The following PDZRN3 variants were observed in gnomAD, a reference collection of about 807,000 sequenced individuals.
PDZRN3 encodes the protein E3 ubiquitin-protein ligase PDZRN3.
A neutral mutation model predicts 85.7 loss-of-function variants in PDZRN3; 38 were observed. The ratio of observed to expected loss-of-function variants is 0.44; its 90% CI spans 0.34 to 0.58. The LOEUF (loss-of-function observed/expected upper bound fraction) is 0.58, where lower values mean the gene tolerates loss of function less well. Among genes scored for constraint, PDZRN3 ranks in the 20% least tolerant of loss-of-function variants. The pLI is 0.01. For missense variants in PDZRN3, 1,629 were observed against 1,506.4 expected, an observed-to-expected ratio of 1.08 and a Z score of -1.35; for synonymous variants, 759 against 638.0, an observed-to-expected ratio of 1.19 and a Z score of -2.86.
At chr3:73,437,654 G>A (rs1433496423) in intron 3 of PDZRN3, among the ~76,000 whole-genome samples, 4 of 151,864 alleles carry the variant, frequency 2.6e-5, no homozygotes, top group Admixed American at 6.6e-5. Context: ...TGTGTTATTT[G>A]GAATAAAAAA....
At chr3:73,389,958 A>C in intron 6 of PDZRN3, 80 bp from the exon 7 acceptor site, 1 of 994,512 alleles carries the variant, frequency 1.0e-6, no homozygotes. Context: ...ACCATTTCTA[A>C]AACACAGTCA....
At chr3:73,454,461 AAG>A (rs1247458096) in intron 3 of PDZRN3, among the ~76,000 whole-genome samples, 1 of 152,162 alleles carries the variant, frequency 6.6e-6, no homozygotes, top group Non-Finnish European at 1.5e-5. Context: ...GGTAATGAAA[AAG>A]GGGCTGATTT....
chr3:73,597,371 C>T (rs1702445480), intron 3 of PDZRN3, among the ~76,000 whole-genome samples: 1 of 152,168 alleles, frequency 6.6e-6, no homozygotes, highest in Admixed American at 6.5e-5. Flanking sequence ...CTTTGAGGTT[C>T]CACAGCTTCT....
chr3:73,470,182 T>G (rs1462257277), intron 3 of PDZRN3, among the ~76,000 whole-genome samples: 1 of 152,130 alleles, frequency 6.6e-6, no homozygotes, highest in Non-Finnish European at 1.5e-5. Flanking sequence ...ATATTGAACA[T>G]AGGAAGATTC....
Position 73,383,792 on chromosome 3 carries a change from A to G in PDZRN3, c.2774T>C (p.Ile925Thr). 1 of 1,613,292 alleles carries G rather than the reference A, an allele frequency of 6.2e-7. No individual in the cohort carries two copies. The highest frequency in any genetic ancestry group is 2.2e-5 in the East Asian group (1 of 44,846). The change falls in exon 10 of 10, where the codon ATC becomes ACC. Residue 925 changes from isoleucine to threonine, a missense_variant. By Grantham distance (89) the Ile-to-Thr change is moderately conservative. Coordinates refer to ENST00000263666, the MANE Select transcript of PDZRN3 (RefSeq NM_015009.3). Reference protein sequence around the residue: ...SEPRMEWKVKIRSDGTRYITK... With the variant: ...SEPRMEWKVKTRSDGTRYITK... ...GATGTAGCGCGTCCCGTCGCTGCGG[A>G]TCTTCACCTTCCACTCCATGCGCGG...
chr3:73,530,568 A>G (rs982456303), intron 3 of PDZRN3, among the ~76,000 whole-genome samples: 19 of 152,350 alleles, frequency 1.2e-4, no homozygotes, highest in Non-Finnish European at 1.8e-4. Context: ...TGGGTCAAAT[A>G]TAAGAACAAA....
chr3:73,397,790 C>T (rs991760664), intron 5 of PDZRN3, among the ~76,000 whole-genome samples: 5 of 152,184 alleles, frequency 3.3e-5, no homozygotes, highest in Non-Finnish European at 7.3e-5. Flanking sequence ...GAGAAATGAC[C>T]TGGTGACATC....
intron 3 of PDZRN3, among the ~76,000 whole-genome samples, chr3:73,463,722 A>G (rs1298416699): frequency 1.3e-5 from 2 of 152,228 alleles, no homozygotes; most frequent in Non-Finnish European, 2.9e-5. Context: ...ATTCACATGT[A>G]TGTTCACTGC....
At chr3:73,608,962 A>C (rs1368602566) in intron 1 of PDZRN3, among the ~76,000 whole-genome samples, 2 of 152,202 alleles carry the variant, frequency 1.3e-5, no homozygotes, top group Non-Finnish European at 2.9e-5. Flanking sequence ...TTTTCTATGA[A>C]TGACACCTTG....
rs200908126 is a variant in PDZRN3, at chr3:73,384,814, C to T, written c.1752G>A (p.Ser584=). The part of the protein sequence containing the change: ...TDESTRNDES[S]EQENNGDDAT... ...CGTCGTCGCCATTGTTCTCTTGCTC[C>T]GAGCTCTCGTCATTACGGGTGCTCT... The change falls in exon 10 of 10, where the codon TCG becomes TCA. Residue 584 remains serine (S), a synonymous_variant. Transcript: ENST00000263666. 1.7e-5 allele frequency: 27 copies of T among 1,613,992 alleles called. No individual in the cohort carries two copies. The highest frequency in any genetic ancestry group is 3.3e-5 in the Admixed American group (2 of 60,010).
At position 73,384,694 on chromosome 3, in the gene PDZRN3, A is replaced by G; in HGVS notation, c.1872T>C (p.Ser624=). The G allele has an allele frequency of 6.2e-7, 1 of 1,614,000 alleles. No homozygotes were observed. Among genetic ancestry groups the G allele is most frequent in the Non-Finnish European group, 8.5e-7 (1 of 1,180,024 alleles). Residue 624 remains serine (S), a synonymous_variant, in exon 10 of 10, where the codon TCT becomes TCC. Coordinates refer to ENST00000263666, the MANE Select transcript of PDZRN3 (RefSeq NM_015009.3). ...CGTCCGTGCAGTCGGCCGAAATGAA[A>G]GACTCGTTGCTGAAGGGCAGGTCGC... The part of the protein sequence containing the change: ...GSGDLPFSNE[S]FISADCTDAD...
chr3:73,482,624 G>A (rs9839014), intron 3 of PDZRN3, among the ~76,000 whole-genome samples: 152,288 of 152,332 alleles, frequency 1, 76,122 homozygotes, highest in Middle Eastern at 1. Flanking sequence ...ATTCTCCTCT[G>A]TCTCAGAAAT....
At chr3:73,394,829 G>T (rs1477189579) in intron 5 of PDZRN3, among the ~76,000 whole-genome samples, 1 of 152,212 alleles carries the variant, frequency 6.6e-6, no homozygotes. Flanking sequence ...AGCACAGAGT[G>T]ATCCATAATA....
In PDZRN3 at chr3:73,422,054, T is replaced by C. The variant is rs187617109; in HGVS notation, c.919-17659A>G. Among the ~76,000 whole-genome samples, 11 of 152,346 alleles carry C rather than the reference T, an allele frequency of 7.2e-5. No individual in the cohort carries two copies. The East Asian group carries it at 2.1e-3, about 29-fold the overall frequency. ...ATTCCTTTAGAGCCTTTACCCCACA[T>C]TGTAATTATATTCTCAGCAGTGTAG... is the stretch of plus-strand genomic sequence containing the variant. On this transcript the variant is annotated intron_variant, in intron 3 of 9. Transcript: ENST00000263666.
chr3:73,441,133 G>T (rs560465008), intron 3 of PDZRN3, among the ~76,000 whole-genome samples: 1 of 152,026 alleles, frequency 6.6e-6, no homozygotes, highest in Admixed American at 6.6e-5. Flanking sequence ...TGTAAAATAC[G>T]GCTGGGAGCG....
At chr3:73,487,730 T>C (rs1431470923) in intron 3 of PDZRN3, among the ~76,000 whole-genome samples, 2 of 152,238 alleles carry the variant, frequency 1.3e-5, no homozygotes, top group Non-Finnish European at 2.9e-5. Flanking sequence ...TTATGTAAGC[T>C]GAATAATTCC....
intron 3 of PDZRN3, among the ~76,000 whole-genome samples, chr3:73,576,114 T>TCACA (rs112084529): frequency 1.9e-4 from 29 of 151,868 alleles, no homozygotes; most frequent in African/African-American, 6.3e-4. Flanking sequence ...ATACTCTCTC[T>TCACA]CACACACACA....
chr3:73,442,376 G>C (rs1206778780), intron 3 of PDZRN3, among the ~76,000 whole-genome samples: 3 of 152,182 alleles, frequency 2.0e-5, no homozygotes, highest in African/African-American at 7.2e-5. Flanking sequence ...TAGCTGCAAG[G>C]GGAGAGACCC....
intron 3 of PDZRN3, among the ~76,000 whole-genome samples, chr3:73,459,663 T>A (rs995714347): frequency 6.6e-6 from 1 of 152,242 alleles, no homozygotes; most frequent in Non-Finnish European, 1.5e-5. Flanking sequence ...ACTCGATCCA[T>A]GCTCCTGCAA....
Sources: gnomAD v4.1 joint callset for allele counts (sites outside exome capture counted in the v4.1 genomes callset) on GRCh38, gnomAD v4.1.1 for gene constraint, MANE v1.5 for transcripts, NCBI Gene and HGNC (gene_info 2026-07-23, HGNC 2026-07-21) for gene names.